Variants in PIKFYVE observed in about 807,000 individuals in gnomAD.
The protein encoded by PIKFYVE is phosphoinositide kinase, FYVE-type zinc finger containing.
In PIKFYVE, 122 loss-of-function variants were observed where a neutral mutation model predicts 257.9. The ratio of observed to expected loss-of-function variants is 0.47; its 90% CI spans 0.41 to 0.55. The LOEUF (loss-of-function observed/expected upper bound fraction) is 0.55, where lower values mean the gene tolerates loss of function less well. Among genes scored for constraint, PIKFYVE ranks in the 20% least tolerant of loss-of-function variants. The probability of loss-of-function intolerance (pLI) is 0.00; values close to 1 mark genes in which losing one functional copy is unlikely to be tolerated. For missense variants in PIKFYVE, 2,160 were observed against 2,536.6 expected, an observed-to-expected ratio of 0.85 and a Z score of 3.19; for synonymous variants, 892 against 868.9, an observed-to-expected ratio of 1.03 and a Z score of -0.47.
chr2:208,329,377 T>G (rs938444261), intron 21 of PIKFYVE, among the ~76,000 whole-genome samples: 5 of 152,168 alleles, frequency 3.3e-5, no homozygotes, highest in Admixed American at 1.3e-4. Flanking sequence ...AAGATGTGGA[T>G]TTCAACAGTT....
In PIKFYVE at chr2:208,273,637, A is replaced by G. The variant is rs769868735; in HGVS notation, c.226A>G (p.Ser76Gly). ...EQQPLSGSWTSPQLPSRTQSV... is the reference protein window; with the variant it reads ...EQQPLSGSWTGPQLPSRTQSV... Reference sequence around the variant, plus strand: ...GCAGCCTTTGAGTGGAAGTTGGACCAGCCCTCAGCTCCCTTCGAGGACACA... The same window carrying G: ...GCAGCCTTTGAGTGGAAGTTGGACCGGCCCTCAGCTCCCTTCGAGGACACA... Residue 76 changes from serine to glycine, a missense_variant, in exon 3 of 42, where the codon AGC becomes GGC. Ser to Gly is a moderately conservative substitution (Grantham distance 56). Around this residue, in one of 12 missense-constraint regions of PIKFYVE, gnomAD observed 172 missense variants for 180.6 expected, o/e 0.95. Transcript: ENST00000264380. The G allele has an allele frequency of 8.7e-6, 14 of 1,614,060 alleles. No individual in the cohort carries two copies. The East Asian group carries it at 2.7e-4, about 31-fold the overall frequency.
Position 208,328,289 on chromosome 2 carries a change from C to A in PIKFYVE, c.3719+9C>A, listed in dbSNP as rs1559136988. ...GCCTGTGTCAGTCCTTGGTAGGATT[C>A]TTTTCCCCCTACACTATTCCACATA... On this transcript the variant is annotated intron_variant, in intron 21 of 41. Transcript: ENST00000264380. 1 of 1,613,340 alleles carries A rather than the reference C, an allele frequency of 6.2e-7. No homozygotes were observed. The highest frequency in any genetic ancestry group is 1.7e-5 in the Admixed American group (1 of 59,964).
Position 208,328,206 on chromosome 2 carries a change from C to G in PIKFYVE, c.3645C>G (p.His1215Gln). 1 of 1,613,808 alleles carries G rather than the reference C, an allele frequency of 6.2e-7. No individual in the cohort carries two copies. Among genetic ancestry groups the G allele is most frequent in the South Asian group, 1.1e-5 (1 of 91,080 alleles). Reference protein sequence around the residue: ...TKVDCLNPINHQRLCVLFSSS... With the variant: ...TKVDCLNPINQQRLCVLFSSS... The stretch of plus-strand genomic sequence containing the variant: ...TGGACTGTCTGAATCCCATTAATCA[C>G]CAGAGACTTTGTGTGCTCTTCAGCA... Residue 1215 changes from histidine (H) to glutamine (Q), a missense_variant, in exon 21 of 42, where the codon CAC becomes CAG. Coordinates refer to ENST00000264380, the MANE Select transcript of PIKFYVE (RefSeq NM_015040.4).
rs13020468 is a variant in PIKFYVE at position 208,350,847 on chromosome 2, T to C, written c.5511T>C (p.Ile1837=). 46,130 of 1,614,164 alleles carry C rather than the reference T, an allele frequency of 0.029. 758 individuals are homozygous for C. The highest frequency in any genetic ancestry group is 0.055 in the African/African-American group (4,156 of 75,044). The change falls in exon 37 of 42, where the codon ATT becomes ATC. Residue 1837 remains isoleucine, a synonymous_variant. Transcript: ENST00000264380. The part of the protein sequence containing the change: ...AGEFHKMREV[I]LDSSEEDFIR... ...AGTTTCATAAGATGCGTGAAGTGAT[T>C]CTGGACAGCAGTGAAGAAGATTTCA...
chr2:208,301,878 G>T (rs1693732709), intron 9 of PIKFYVE, among the ~76,000 whole-genome samples: 1 of 152,108 alleles, frequency 6.6e-6, no homozygotes, highest in South Asian at 2.1e-4. Context: ...GGCTGTATCT[G>T]TAATATTTGG....
chr2:208,312,716 G>C (rs1461049811), intron 13 of PIKFYVE, among the ~76,000 whole-genome samples: 2 of 152,158 alleles, frequency 1.3e-5, no homozygotes, highest in Non-Finnish European at 2.9e-5. Context: ...AAGAGAAGCA[G>C]GCAGTAGAGG....
intron 16 of PIKFYVE, among the ~76,000 whole-genome samples, chr2:208,319,264 A>G (rs1451383953): frequency 6.6e-6 from 1 of 152,246 alleles, no homozygotes; most frequent in Admixed American, 6.5e-5. Context: ...GAAAATTATT[A>G]GTGACCATAG....
Position 208,298,067 on chromosome 2 carries a change from G to A in PIKFYVE, c.912-574G>A, listed in dbSNP as rs1025006411. Among the ~76,000 whole-genome samples the A allele has an allele frequency of 6.6e-5, 10 of 152,178 alleles. No individual in the cohort carries two copies. The East Asian group carries it at 7.7e-4, about 12-fold the overall frequency. On this transcript the variant is annotated intron_variant, in intron 7 of 41. Coordinates refer to ENST00000264380, the MANE Select transcript of PIKFYVE (RefSeq NM_015040.4). Reference sequence around the variant, plus strand: ...GTCATAACATTTTGCTTATTTGGGCGTCAAAATTGGTGTTCCCTTCATCAG... The same window carrying A: ...GTCATAACATTTTGCTTATTTGGGCATCAAAATTGGTGTTCCCTTCATCAG...
chr2:208,340,301 C>T (rs1250213735), intron 31 of PIKFYVE, among the ~76,000 whole-genome samples, 170 bp downstream of exon 31: 2 of 152,052 alleles, frequency 1.3e-5, no homozygotes, highest in Non-Finnish European at 2.9e-5. Context: ...AATATATAAT[C>T]ATTATGATAT....
intron 35 of PIKFYVE, among the ~76,000 whole-genome samples, chr2:208,349,780 G>A (rs1415411289): frequency 1.3e-5 from 2 of 151,884 alleles, no homozygotes; most frequent in Non-Finnish European, 2.9e-5. Context: ...GTAAGAAAAA[G>A]TATTCAACCT....
chr2:208,300,946 C>T lies in PIKFYVE; in HGVS notation c.1060C>T (p.Gln354Ter). 1 of 1,613,900 alleles carries T rather than the reference C, an allele frequency of 6.2e-7. No individual in the cohort carries two copies. The highest frequency in any genetic ancestry group is 8.5e-7 in the Non-Finnish European group (1 of 1,179,950). ...GTTAATGTGATTGCAGGACAGTGTG[C>T]AGTTAAAAGACCTGTGGAAAAAAAT... is the stretch of plus-strand genomic sequence containing the variant. The part of the protein sequence containing the change: ...DERKILLDSV[Q>*]LKDLWKKICH... The change falls in exon 9 of 42, where the codon CAG becomes TAG. Residue 354 changes from glutamine (Q) to a stop codon, truncating the protein, a stop_gained. Transcript: ENST00000264380. LOFTEE classifies it high-confidence loss of function.
At chr2:208,327,831 T>TC (rs1280388082) in intron 20 of PIKFYVE, among the ~76,000 whole-genome samples, 1 of 152,222 alleles carries the variant, frequency 6.6e-6, no homozygotes, top group African/African-American at 2.4e-5. Context: ...TTTCTGGGTG[T>TC]CTCAGATTGA....
chr2:208,287,440 A>T (rs1431068826), intron 6 of PIKFYVE, among the ~76,000 whole-genome samples: 2 of 151,216 alleles, frequency 1.3e-5, no homozygotes, highest in Non-Finnish European at 3.0e-5. Flanking sequence ...TGCCTGGCTA[A>T]TTTTTCTGTT....
At chr2:208,267,397 C>T (rs941327967) in intron 1 of PIKFYVE, among the ~76,000 whole-genome samples, 1 of 151,704 alleles carries the variant, frequency 6.6e-6, no homozygotes, top group African/African-American at 2.4e-5. Flanking sequence ...CTGGATCCTG[C>T]TCTGGTTTTC....
intron 5 of PIKFYVE, among the ~76,000 whole-genome samples, chr2:208,278,775 A>G (rs969231748): frequency 1.3e-5 from 2 of 152,186 alleles, no homozygotes; most frequent in South Asian, 4.1e-4. Flanking sequence ...TCCATGGTGT[A>G]TATGTACCAC....
Position 208,315,339 on chromosome 2 carries a change from A to G in PIKFYVE, c.1973A>G (p.Asp658Gly), listed in dbSNP as rs1330346593. 2 of 1,614,174 alleles carry G rather than the reference A, an allele frequency of 1.2e-6. No individual in the cohort carries two copies. ...VRPDVKNQDD[D>G]MDIRQFVHIK... is the part of the protein sequence containing the mutation. ...CCTGATGTCAAGAACCAGGATGATG[A>G]CATGGATATCCGTCAGTTTGTCCAC... Residue 658 changes from aspartate (D) to glycine (G), a missense_variant, in exon 15 of 42, where the codon GAC (aspartate) becomes GGC (glycine). Around this residue, in one of 12 missense-constraint regions of PIKFYVE, gnomAD observed 346 missense variants for 365.6 expected, o/e 0.95. Transcript: ENST00000264380.
rs1696232848 is a variant in PIKFYVE, at chr2:208,321,587, T to C, written c.2190+1228T>C. Among the ~76,000 whole-genome samples, 10 of 148,934 alleles carry C rather than the reference T, an allele frequency of 6.7e-5. 1 individual carries two copies. The South Asian group carries it at 2.1e-3, about 31-fold the overall frequency. On this transcript the variant is annotated intron_variant, in intron 17 of 41. Coordinates refer to ENST00000264380, the MANE Select transcript of PIKFYVE (RefSeq NM_015040.4). ...TTTCTTTTCTTTTGTTTTTTTTTTT[T>C]TTTTTTTGAGACGAAGTCTCGCTCT...
At chr2:208,339,590 T>A in intron 30 of PIKFYVE, 35 bp downstream of exon 30, 1 of 1,609,264 alleles carries the variant, frequency 6.2e-7, no homozygotes, top group Non-Finnish European at 8.5e-7. Context: ...TATTTCATTG[T>A]ATCTAAGACT....
intron 16 of PIKFYVE, among the ~76,000 whole-genome samples, chr2:208,319,993 A>T (rs113872471): frequency 0.013 from 2,031 of 152,140 alleles, 46 homozygotes; most frequent in African/African-American, 0.045. Flanking sequence ...ATAAAAAAAA[A>T]AGTTAAAGAG....
Sources: gnomAD v4.1 joint callset for allele counts (sites outside exome capture counted in the v4.1 genomes callset) on GRCh38, gnomAD v4.1.1 for gene constraint, gnomAD v4.1.1 regional missense constraint, MANE v1.5 for transcripts, NCBI Gene and HGNC (gene_info 2026-07-23, HGNC 2026-07-21) for gene names.